Variants in MAGI1 observed in about 807,000 individuals in gnomAD.
MAGI1 encodes the protein membrane-associated guanylate kinase, WW and PDZ domain-containing protein 1.
A neutral mutation model predicts 139.9 loss-of-function variants in MAGI1; 58 were observed. The observed-to-expected ratio is 0.41, with a 90% CI of 0.34 to 0.52. The LOEUF is 0.52. MAGI1 is among the 20% of genes least tolerant of loss of function. MAGI1 has a pLI of 0.12. For missense variants in MAGI1, 1,874 were observed against 1,901.6 expected (o/e 0.99, Z 0.27); for synonymous variants, 812 against 737.9 (o/e 1.10, Z -1.63).
At chr3:65,929,164 A>G (rs1417085940) in intron 1 of MAGI1, among the ~76,000 whole-genome samples, 1 of 148,462 alleles carries the variant, frequency 6.7e-6, no homozygotes, top group Non-Finnish European at 1.5e-5. Flanking sequence ...AAAAAAAAAG[A>G]AAAAAGAAAA....
At chr3:65,629,820 C>G (rs2084187631) in intron 1 of MAGI1, among the ~76,000 whole-genome samples, 1 of 151,892 alleles carries the variant, frequency 6.6e-6, no homozygotes, top group Admixed American at 6.6e-5. Context: ...TGCGGAGTTT[C>G]ACTTGTGGAT....
intron 2 of MAGI1, among the ~76,000 whole-genome samples, chr3:65,564,631 A>C (rs1037582509): frequency 7.2e-5 from 11 of 152,248 alleles, no homozygotes; most frequent in African/African-American, 2.7e-4. Flanking sequence ...CTAGTCCTGA[A>C]TCCCCTGGGA....
intron 1 of MAGI1, among the ~76,000 whole-genome samples, chr3:65,756,749 C>T (rs1422641038): frequency 1.3e-5 from 2 of 152,146 alleles, no homozygotes; most frequent in Non-Finnish European, 2.9e-5. Context: ...AGGAGACAGT[C>T]TTACCTTCAA....
chr3:65,988,578 G>A (rs2066003686), intron 1 of MAGI1, among the ~76,000 whole-genome samples: 1 of 152,208 alleles, frequency 6.6e-6, no homozygotes, highest in South Asian at 2.1e-4. Context: ...ATGAGATACA[G>A]TGAAAGGGAG....
chr3:65,835,176 C>G (rs530328932), intron 1 of MAGI1, among the ~76,000 whole-genome samples: 1 of 152,076 alleles, frequency 6.6e-6, no homozygotes, highest in Non-Finnish European at 1.5e-5. Context: ...ACTTTTTCTA[C>G]GTTGTTCTGG....
chr3:65,831,528 C>A (rs10510945), intron 1 of MAGI1, among the ~76,000 whole-genome samples: 18,524 of 152,118 alleles, frequency 0.12, 1,477 homozygotes, highest in South Asian at 0.27. Context: ...CACAAAACAG[C>A]ACACTTAATC....
chr3:65,877,389 T>G (rs140186430), intron 1 of MAGI1, among the ~76,000 whole-genome samples: 2 of 152,228 alleles, frequency 1.3e-5, no homozygotes, highest in Non-Finnish European at 2.9e-5. Flanking sequence ...GGCACAAACA[T>G]AAATGTTGGC....
chr3:65,661,991 C>T (rs762363684), intron 1 of MAGI1, among the ~76,000 whole-genome samples: 1 of 151,968 alleles, frequency 6.6e-6, no homozygotes, highest in Non-Finnish European at 1.5e-5. Flanking sequence ...TCGTGATCCA[C>T]CTGCCTCAGC....
rs532874145 is a variant in MAGI1, at chr3:65,397,371, A to G, written c.2199+4068T>C. ...TCTCTTGCAGGGGAAAGGGACAGAG[A>G]GGATAGTGGAACAAAAACCTATCAC... On this transcript the variant is annotated intron_variant, in intron 13 of 22. Coordinates refer to ENST00000402939, the MANE Select transcript of MAGI1 (RefSeq NM_001033057.2). Among the ~76,000 whole-genome samples the G allele has an allele frequency of 3.3e-5, 5 of 152,272 alleles. No individual in the cohort carries two copies. The East Asian group carries it at 9.7e-4, about 29-fold the overall frequency.
chr3:65,441,407 T>C (rs1393461604), intron 8 of MAGI1, among the ~76,000 whole-genome samples: 3 of 152,216 alleles, frequency 2.0e-5, no homozygotes, highest in African/African-American at 7.2e-5. Flanking sequence ...TTGCTCTTAA[T>C]TTCTATTAAA....
chr3:65,391,446 G>C (rs2106993453), intron 13 of MAGI1, 88 bp from the exon 14 acceptor site: 1 of 1,090,540 alleles, frequency 9.2e-7, no homozygotes, highest in Non-Finnish European at 1.3e-6. Flanking sequence ...TCTTTGTTTA[G>C]CACTTTTGCA....
In MAGI1 at chr3:65,356,250, G is replaced by A. The variant is rs1210539616; in HGVS notation, c.*128C>T. ...TTATAAGATTTCAAATGCATAAAAT[G>A]TTTGTTGTTATTCATAGGATCATCA... On this transcript the variant is annotated 3_prime_UTR_variant, in exon 23 of 23. Transcript: ENST00000402939. 4.7e-6 allele frequency: 4 copies of A among 853,852 alleles called. No homozygotes were observed. The highest frequency in any genetic ancestry group is 6.9e-6 in the Non-Finnish European group (4 of 582,734). The allele number at this position is 853,852 out of a possible 1,614,324, so 52.9% of individuals were successfully genotyped here.
intron 1 of MAGI1, among the ~76,000 whole-genome samples, chr3:65,967,658 G>A (rs905585841): frequency 1.3e-5 from 2 of 152,188 alleles, no homozygotes; most frequent in Admixed American, 6.5e-5. Flanking sequence ...GACAGGAAAC[G>A]TTTCTTGACG....
At chr3:65,599,312 C>T (rs1168886876) in intron 2 of MAGI1, among the ~76,000 whole-genome samples, 1 of 152,092 alleles carries the variant, frequency 6.6e-6, no homozygotes, top group Non-Finnish European at 1.5e-5. Context: ...ATCTTTCCTT[C>T]GAATGCAGTA....
chr3:65,660,600 A>G (rs986914399), intron 1 of MAGI1, among the ~76,000 whole-genome samples: 8 of 152,264 alleles, frequency 5.3e-5, no homozygotes, highest in African/African-American at 1.7e-4. Flanking sequence ...AAAAGTTTCC[A>G]GATCTCATTA....
At chr3:65,367,511 GTTGT>G (rs1277743791) in intron 18 of MAGI1, among the ~76,000 whole-genome samples, 1 of 152,020 alleles carries the variant, frequency 6.6e-6, no homozygotes, top group African/African-American at 2.4e-5. Flanking sequence ...TTCCTCATTT[GTTGT>G]TTATCTTAAT....
At chr3:65,426,725 C>T (rs1041513845) in intron 12 of MAGI1, among the ~76,000 whole-genome samples, 23 of 152,180 alleles carry the variant, frequency 1.5e-4, no homozygotes, top group African/African-American at 4.6e-4. Flanking sequence ...ATGGCAGAAA[C>T]AGATATATTT....
intron 1 of MAGI1, among the ~76,000 whole-genome samples, chr3:65,984,512 A>ATGTGTGTGTGTGTGTGTG (rs34046056): frequency 6.2e-4 from 87 of 140,470 alleles, no homozygotes; most frequent in African/African-American, 1.2e-3. Flanking sequence ...TCAAAATAAA[A>ATGTGTGTGTGTGTGTGTG]TGTGTGTGTG....
intron 1 of MAGI1, among the ~76,000 whole-genome samples, chr3:65,965,556 C>G (rs780059490): frequency 6.6e-6 from 1 of 152,022 alleles, no homozygotes; most frequent in Non-Finnish European, 1.5e-5. Flanking sequence ...TTGATGTAAT[C>G]TCAAGAACTG....
Sources: gnomAD v4.1 joint callset for allele counts (sites outside exome capture counted in the v4.1 genomes callset) on GRCh38, gnomAD v4.1.1 for gene constraint, MANE v1.5 for transcripts, NCBI Gene and HGNC (gene_info 2026-07-23, HGNC 2026-07-21) for gene names.